The following TCHP variants were observed in gnomAD, a reference collection of about 807,000 sequenced individuals.
TCHP encodes trichoplein keratin filament-binding protein.
Under a neutral mutation model 88.7 loss-of-function variants are expected in TCHP, and 81 were observed. The ratio of observed to expected loss-of-function variants is 0.91; its 90% confidence interval spans 0.76 to 1.10. TCHP has a LOEUF of 1.10. TCHP is among the 50% of genes least tolerant of loss of function. The pLI, the probability that TCHP is intolerant of heterozygous loss-of-function variation, is 0.00. For synonymous variants in TCHP, 232 were observed against 232.5 expected (o/e 1.00, Z 0.02); for missense variants, 641 against 632.1 (o/e 1.01, Z -0.15).
intron 11 of TCHP, 65 bp from the exon 12 acceptor site, chr12:109,915,338 A>C: frequency 6.2e-7 from 1 of 1,611,540 alleles, no homozygotes; most frequent in South Asian, 1.1e-5. Flanking sequence ...TACCTTCCTC[A>C]TCAGAGGCAG....
intron 5 of TCHP, 104 bp from the exon 6 acceptor site, chr12:109,907,422 C>A: frequency 1.7e-6 from 2 of 1,199,476 alleles, no homozygotes; most frequent in Non-Finnish European, 2.4e-6. Context: ...GGGATTCAGG[C>A]AGGAACTGCC....
Position 109,904,160 on chromosome 12 carries a change from A to G in TCHP, c.399+13A>G, listed in dbSNP as rs918152394. ...GCAGAGGAAACTGGTAACTCCCCAG[A>G]GGGCTTCAGGAGGCTGTGGAGCAGG... On this transcript the variant is annotated intron_variant, in intron 3 of 12. Transcript: ENST00000405876. 28 of 1,557,002 alleles carry G rather than the reference A, an allele frequency of 1.8e-5. No individual in the cohort carries two copies. Among genetic ancestry groups the G allele is most frequent in the Non-Finnish European group, 2.3e-5 (27 of 1,150,096 alleles).
Position 109,904,771 on chromosome 12 carries a change from A to G in TCHP, c.434A>G (p.Lys145Arg). The G allele has an allele frequency of 6.2e-7, 1 of 1,613,666 alleles. No individual in the cohort carries two copies. ...CAACTTTTGTACGAACACTGGAAAA[A>G]GAACAACCCGAAACTTCGAGAGGTG... ...AEQLLYEHWK[K>R]NNPKLREMEL... The change falls in exon 4 of 13, where the codon AAG (lysine) becomes AGG (arginine). Residue 145 changes from lysine to arginine, a missense_variant. Physicochemically the swap from Lys to Arg is conservative, Grantham distance 26. Transcript: ENST00000405876.
rs770178049 is a variant in TCHP, at chr12:109,912,997, G to C, written c.1059G>C (p.Glu353Asp). The C allele has an allele frequency of 6.2e-7, 1 of 1,613,946 alleles. No homozygotes were observed. The highest frequency in any genetic ancestry group is 1.1e-5 in the South Asian group (1 of 91,078). Reference protein sequence around the residue: ...EAELQMLLREEAKEMWEKREA... With the variant: ...EAELQMLLREDAKEMWEKREA... ...CCCTTTTGTGTTTGCCCAGGGAGGA[G>C]GCCAAGGAGATGTGGGAAAAGAGAG... Residue 353 changes from glutamate to aspartate, a missense_variant, in exon 10 of 13, where the codon GAG becomes GAC. Glu to Asp is a conservative substitution (Grantham distance 45). Coordinates refer to ENST00000405876, the MANE Select transcript of TCHP (RefSeq NM_001143852.2).
chr12:109,889,121 G>C, the TCHP span, among the ~76,000 whole-genome samples: 4,660 of 152,044 alleles, frequency 0.031, 162 homozygotes, highest in African/African-American at 0.085. Context: ...TTGAGCTCAG[G>C]AGTTTGAAAC....
At chr12:109,913,205 C>G (rs1448105513) in intron 10 of TCHP, 133 bp downstream of exon 10, 1 of 769,348 alleles carries the variant, frequency 1.3e-6, no homozygotes, top group African/African-American at 1.8e-5. Context: ...CTTTAAAAAT[C>G]ATTGAAAAAG....
chr12:109,906,929 C>T (rs1870165926), intron 5 of TCHP, among the ~76,000 whole-genome samples: 1 of 152,176 alleles, frequency 6.6e-6, no homozygotes, highest in African/African-American at 2.4e-5. Flanking sequence ...TGCTCTGTCA[C>T]CCAGGCTGGT....
At chr12:109,897,300 G>A (rs1869586208), upstream of TCHP, among the ~76,000 whole-genome samples, 1 of 152,214 alleles carries the variant, frequency 6.6e-6, no homozygotes, top group Admixed American at 6.5e-5. Flanking sequence ...AGGATGTCTG[G>A]CCAGCAAAAG....
upstream of TCHP, among the ~76,000 whole-genome samples, chr12:109,895,776 T>G (rs533841565): frequency 5.9e-5 from 9 of 152,244 alleles, no homozygotes; most frequent in Non-Finnish European, 1.2e-4. Flanking sequence ...TCACCCCCTC[T>G]CCCTGTTCTT....
At chr12:109,895,474 CA>C (rs1226213578), upstream of TCHP, among the ~76,000 whole-genome samples, 2 of 151,588 alleles carry the variant, frequency 1.3e-5, no homozygotes, top group Non-Finnish European at 3.0e-5. Context: ...CTCGGCCTCC[CA>C]AACAAAGTGT....
At position 109,903,216 on chromosome 12, in the gene TCHP, T is replaced by C; in HGVS notation, c.188+2T>C. The C allele has an allele frequency of 1.2e-6, 2 of 1,605,202 alleles. No individual in the cohort carries two copies. Among genetic ancestry groups the C allele is most frequent in the Non-Finnish European group, 1.7e-6 (2 of 1,173,848 alleles). On this transcript the variant is annotated splice_donor_variant, in intron 2 of 12. Transcript: ENST00000405876. LOFTEE classifies it high-confidence loss of function. This position sits in a 1 kb window ranked among gnomAD's most constrained non-coding sequence, Gnocchi z 4.6. Reference sequence around the variant, plus strand: ...CTCTAAAACCTCCTACCAGCGGAGGTAATTGTGCGGTAACTGCCGATTGGA... The same window carrying C: ...CTCTAAAACCTCCTACCAGCGGAGGCAATTGTGCGGTAACTGCCGATTGGA...
chr12:109,916,386 C>G (rs1469084624), intron 12 of TCHP, among the ~76,000 whole-genome samples: 1 of 152,150 alleles, frequency 6.6e-6, no homozygotes, highest in Non-Finnish European at 1.5e-5. Flanking sequence ...TTTCACAGAT[C>G]ATATGTGAAA....
At chr12:109,901,002 A>T (rs891816434) in intron 1 of TCHP, 1 of 152,254 alleles carries the variant, frequency 6.6e-6, no homozygotes, top group Non-Finnish European at 1.5e-5. Flanking sequence ...CTGTATCCCT[A>T]CATTGCTCAG....
upstream of TCHP, among the ~76,000 whole-genome samples, chr12:109,897,693 G>T (rs1490724383): frequency 6.6e-6 from 1 of 151,790 alleles, no homozygotes; most frequent in Non-Finnish European, 1.5e-5. Context: ...CCCGAGCTGG[G>T]ATTACAAGTG....
chr12:109,915,004 C>T, intron 11 of TCHP: 1 of 410,454 alleles, frequency 2.4e-6, no homozygotes, highest in Non-Finnish European at 4.5e-6. Flanking sequence ...TATGTATAGC[C>T]TCTCCAGCTT....
chr12:109,893,427 T>C, the TCHP span, among the ~76,000 whole-genome samples: 5 of 152,058 alleles, frequency 3.3e-5, no homozygotes, highest in South Asian at 1.0e-3. Flanking sequence ...GCAGGGCATC[T>C]TGTCACCAAG....
chr12:109,894,176 C>G, the TCHP span, among the ~76,000 whole-genome samples: 1 of 146,534 alleles, frequency 6.8e-6, no homozygotes, highest in Non-Finnish European at 1.5e-5. Context: ...CAGAGTGAGA[C>G]TCAGTCTTAA....
upstream of TCHP, among the ~76,000 whole-genome samples, chr12:109,896,191 T>C (rs11068810): frequency 0.14 from 21,701 of 152,114 alleles, 2,417 homozygotes; most frequent in African/African-American, 0.31. Flanking sequence ...AAGTGATCCA[T>C]CCGCCTTGGC....
At chr12:109,906,735 CAGTTA>C in intron 5 of TCHP, 95 bp downstream of exon 5, 1 of 1,017,928 alleles carries the variant, frequency 9.8e-7, no homozygotes, top group South Asian at 1.3e-5. Context: ...TCAGTGACTC[CAGTTA>C]AGGAGTGTAG....
Sources: gnomAD v4.1 joint callset for allele counts (sites outside exome capture counted in the v4.1 genomes callset) on GRCh38, gnomAD v4.1.1 for gene constraint, Gnocchi (gnomAD v3.1) non-coding constraint, MANE v1.5 for transcripts, NCBI Gene and HGNC (gene_info 2026-07-23, HGNC 2026-07-21) for gene names.